Variants in DYRK4 observed in about 807,000 individuals in gnomAD.
The protein encoded by DYRK4 is dual specificity tyrosine phosphorylation regulated kinase 4.
DYRK4 carries 64 observed loss-of-function variants against 68.3 expected under a neutral mutation model. That is an observed-to-expected ratio of 0.94 (90% CI 0.77 to 1.15). The LOEUF (loss-of-function observed/expected upper bound fraction) is 1.15. DYRK4 is among the 50% of genes most tolerant of loss of function. The pLI is 0.00. For missense variants in DYRK4, 740 were observed against 764.7 expected (o/e 0.97, Z 0.38); for synonymous variants, 274 against 289.9 (o/e 0.95, Z 0.56).
In DYRK4 at chr12:4,605,034, A is replaced by G. The variant is rs1565542001; in HGVS notation, c.1247A>G (p.Tyr416Cys). 3 of 1,613,890 alleles carry G rather than the reference A, an allele frequency of 1.9e-6. No homozygotes were observed. Among genetic ancestry groups the G allele is most frequent in the East Asian group, 2.2e-5 (1 of 44,858 alleles). ...ATCACGGCGGAGTTGTACACGGGCTACCCCCTGTTCCCCGGGGAGAATGAG... is the reference window on the plus strand; with the variant it reads ...ATCACGGCGGAGTTGTACACGGGCTGCCCCCTGTTCCCCGGGGAGAATGAG... ...GCITAELYTG[Y>C]PLFPGENEVE... Residue 416 changes from tyrosine (Y) to cysteine (C), a missense_variant, in exon 11 of 15, where the codon TAC (tyrosine) becomes TGC (cysteine). By Grantham distance (194) the Tyr-to-Cys change is radical. This residue lies in a region of DYRK4 where 614 missense variants were observed against 603.7 expected (regional missense o/e 1.02). Coordinates refer to ENST00000543431, the MANE Select transcript of DYRK4 (RefSeq NM_001394779.1).
At chr12:4,571,542 G>A (rs988724139) in intron 2 of DYRK4, among the ~76,000 whole-genome samples, 2 of 152,086 alleles carry the variant, frequency 1.3e-5, no homozygotes, top group African/African-American at 4.8e-5. Flanking sequence ...AACAATAAAT[G>A]TAAAATGATG....
chr12:4,595,857 C>T lies in DYRK4; in HGVS notation c.628-292C>T, dbSNP rs115856696. 7.3e-3 allele frequency among the ~76,000 whole-genome samples: 1,112 copies of T among 152,170 alleles called. 11 individuals carry two copies. Among genetic ancestry groups the T allele is most frequent in the African/African-American group, 0.025 (1,041 of 41,530 alleles). On this transcript the variant is annotated intron_variant, in intron 6 of 14. Coordinates refer to ENST00000543431, the MANE Select transcript of DYRK4 (RefSeq NM_001394779.1). ...GAGGACTAGAACTAGAACTACAATA[C>T]TGGGACTAGATCCCAAGTTTCCTAA...
intron 1 of DYRK4, 125 bp downstream of exon 1, chr12:4,562,408 G>C: frequency 8.3e-7 from 1 of 1,211,102 alleles, no homozygotes; most frequent in Non-Finnish European, 1.1e-6. Flanking sequence ...AGAGCTGACC[G>C]GGGAATGTGG....
At position 4,562,302 on chromosome 12, in the gene DYRK4, C is replaced by T; in HGVS notation, c.38+19C>T. 1 of 1,531,152 alleles carries T rather than the reference C, an allele frequency of 6.5e-7. No individual in the cohort carries two copies. 94.8% of individuals were successfully genotyped at this position (1,531,152 alleles called of 1,614,324 possible). A position where few individuals can be genotyped will look rare whatever the true frequency, so the allele number is the denominator to read the frequency against. ...GAACAAAGTAAGGGCCGCGGAGGCT[C>T]GTACTTCACGAGCAGTCAGGCGCGA... is the stretch of plus-strand genomic sequence containing the variant. On this transcript the variant is annotated intron_variant, in intron 1 of 14. Transcript: ENST00000543431.
At chr12:4,597,082 G>C (rs1945026764) in intron 8 of DYRK4, 1 of 1,111,040 alleles carries the variant, frequency 9.0e-7, no homozygotes, top group Non-Finnish European at 1.1e-6. Context: ...TTTCTGGCCT[G>C]GTCGTGCAGA....
chr12:4,582,425 C>T (rs540527410), intron 2 of DYRK4, among the ~76,000 whole-genome samples: 41 of 151,594 alleles, frequency 2.7e-4, no homozygotes, highest in Non-Finnish European at 4.9e-4. Flanking sequence ...GCAATAAGAG[C>T]GAAACTCCAT....
chr12:4,602,834 C>T, intron 10 of DYRK4: 1 of 1,302,310 alleles, frequency 7.7e-7, no homozygotes, highest in East Asian at 2.3e-5. Flanking sequence ...ATTTTCTTGT[C>T]CCAAATCATT....
At chr12:4,574,505 TGGCCGCTTTCACTGGGATTGATTA>T (rs1156565455) in intron 2 of DYRK4, among the ~76,000 whole-genome samples, 1 of 152,338 alleles carries the variant, frequency 6.6e-6, no homozygotes, top group Non-Finnish European at 1.5e-5. Flanking sequence ...GTATAACATT[TGGCCGCTTTCACTGGGATTGATTA>T]GGCCTCTGCT....
chr12:4,575,197 A>G (rs1476779426), intron 2 of DYRK4, among the ~76,000 whole-genome samples: 2 of 151,128 alleles, frequency 1.3e-5, no homozygotes, highest in African/African-American at 4.9e-5. Flanking sequence ...GTGCAAATGT[A>G]CCTTGTCACC....
Position 4,591,086 on chromosome 12 carries a change from G to T in DYRK4, c.325-74G>T. The stretch of plus-strand genomic sequence containing the variant: ...AGCCTGGCTGAAGGTGGGTGTCTTT[G>T]GTTAAATAAATGGTTTATGGCCCCC... On this transcript the variant is annotated intron_variant, in intron 4 of 14. Transcript: ENST00000543431. The surrounding 1 kb of genome is among the most constrained non-coding windows in gnomAD (Gnocchi z 4.1). 3 of 1,539,360 alleles carry T rather than the reference G, an allele frequency of 1.9e-6. No homozygotes were observed. The highest frequency in any genetic ancestry group is 2.5e-5 in the South Asian group (2 of 79,688).
intron 13 of DYRK4, among the ~76,000 whole-genome samples, chr12:4,610,786 T>G (rs1412567047): frequency 6.6e-6 from 1 of 152,250 alleles, no homozygotes; most frequent in Non-Finnish European, 1.5e-5. Flanking sequence ...GAAGGTGAGC[T>G]GTAAACCATT....
At chr12:4,610,315 G>A (rs754493368) in intron 13 of DYRK4, 31 bp downstream of exon 13, 10 of 1,501,130 alleles carry the variant, frequency 6.7e-6, no homozygotes, top group Non-Finnish European at 8.9e-6. Context: ...CTGCTTCTGG[G>A]TTTCCTCTTA....
At chr12:4,605,778 A>G (rs952676017) in intron 11 of DYRK4, among the ~76,000 whole-genome samples, 1 of 129,082 alleles carries the variant, frequency 7.7e-6, no homozygotes, top group Non-Finnish European at 1.6e-5. Flanking sequence ...CTATACCCAT[A>G]GGTGAATAAT....
intron 2 of DYRK4, among the ~76,000 whole-genome samples, chr12:4,571,217 C>T (rs754510210): frequency 3.9e-5 from 6 of 152,160 alleles, no homozygotes; most frequent in African/African-American, 1.4e-4. Context: ...ACGATCTCCC[C>T]GACAACTACA....
intron 6 of DYRK4, among the ~76,000 whole-genome samples, 177 bp downstream of exon 6, chr12:4,593,342 A>G (rs1944979231): frequency 6.6e-6 from 1 of 152,202 alleles, no homozygotes; most frequent in South Asian, 2.1e-4. Context: ...ATGGGGAAGC[A>G]TGCAATTTAG....
chr12:4,566,545 G>A (rs535521669), intron 1 of DYRK4, among the ~76,000 whole-genome samples: 4 of 152,272 alleles, frequency 2.6e-5, no homozygotes, highest in Admixed American at 2.6e-4. Context: ...AACATGCTCT[G>A]GGAGCTGGTT....
Position 4,596,702 on chromosome 12 carries a change from ACTTCTGCATCAC to A in DYRK4, c.882_893del (p.Cys295_Phe298del), listed in dbSNP as rs1565539432. 1 of 1,614,100 alleles carries A rather than the reference ACTTCTGCATCAC, an allele frequency of 6.2e-7. No individual in the cohort carries two copies. The highest frequency in any genetic ancestry group is 1.7e-5 in the Admixed American group (1 of 59,998). On this transcript the variant is annotated inframe_deletion, in exon 8 of 15. Coordinates refer to ENST00000543431, the MANE Select transcript of DYRK4 (RefSeq NM_001394779.1). ...AAGGACTTTTTCTACTTTCGCAATC[ACTTCTGCATCAC>A]CTTTGAGCTCCTGGGGTCAGCTGCC...
At chr12:4,592,460 A>G (rs1944967215) in intron 5 of DYRK4, 1 of 152,160 alleles carries the variant, frequency 6.6e-6, no homozygotes, top group Non-Finnish European at 1.5e-5. Context: ...CGAGAGCGCC[A>G]ATGTGATCTG....
At chr12:4,606,795 G>T (rs1245333194) in intron 11 of DYRK4, among the ~76,000 whole-genome samples, 1 of 152,192 alleles carries the variant, frequency 6.6e-6, no homozygotes, top group Non-Finnish European at 1.5e-5. Context: ...GGTGGGAACC[G>T]AGCAGCAAGG....
Sources: allele counts gnomAD v4.1 joint callset (sites outside exome capture counted in the v4.1 genomes callset), GRCh38; gene constraint gnomAD v4.1.1; regional missense constraint gnomAD v4.1.1; non-coding constraint Gnocchi (gnomAD v3.1); transcripts MANE v1.5; gene names NCBI Gene and HGNC (gene_info 2026-07-23, HGNC 2026-07-21).